Variants in ZNF160 observed in about 807,000 individuals in gnomAD.
ZNF160 encodes KRAB zinc finger protein KR18.
ZNF160 carries 9 observed loss-of-function variants against 13.1 expected under a neutral mutation model. The observed-to-expected ratio is 0.69, with a 90% CI of 0.41 to 1.20. The LOEUF (loss-of-function observed/expected upper bound fraction) is 1.20, where lower values mean the gene tolerates loss of function less well. Among genes scored for constraint, ZNF160 ranks in the 50% most tolerant of loss-of-function variants. The pLI, the probability that ZNF160 is intolerant of heterozygous loss-of-function variation, is 0.01. For missense variants in ZNF160, 838 were observed against 988.0 expected, an observed-to-expected ratio of 0.85 and a Z score of 2.04; for synonymous variants, 293 against 333.2, an observed-to-expected ratio of 0.88 and a Z score of 1.31.
At chr19:53,077,192 T>G (rs1303650722) in intron 3 of ZNF160, 1 of 152,176 alleles carries the variant, frequency 6.6e-6, no homozygotes, top group Non-Finnish European at 1.5e-5. Context: ...GCATACAAAC[T>G]GGCACAAGCT....
chr19:53,073,210 G>A, intron 5 of ZNF160: 1 of 1,426,040 alleles, frequency 7.0e-7, no homozygotes, highest in Non-Finnish European at 9.1e-7. Context: ...AAATGTAAGT[G>A]ACAACATGCA....
At chr19:53,095,524 G>T (rs13344020) in intron 1 of ZNF160, 47,863 of 151,676 alleles carry the variant, frequency 0.32, 7,822 homozygotes, top group African/African-American at 0.37. Context: ...TCTGCAGCTT[G>T]TCTATGATTT....
At chr19:53,084,067 G>A (rs1338809304) in intron 3 of ZNF160, among the ~76,000 whole-genome samples, 1 of 152,026 alleles carries the variant, frequency 6.6e-6, no homozygotes, top group Non-Finnish European at 1.5e-5. Flanking sequence ...GCTCCAGAGG[G>A]GAATCTCACT....
chr19:53,068,480 A>T lies in ZNF160; in HGVS notation c.2054T>A (p.Val685Asp). The T allele has an allele frequency of 6.2e-7, 1 of 1,613,540 alleles. No homozygotes were observed. Among genetic ancestry groups the T allele is most frequent in the Non-Finnish European group, 8.5e-7 (1 of 1,179,736 alleles). Residue 685 changes from valine to aspartate, a missense_variant, in exon 6 of 6, where the codon GTC becomes GAC. By Grantham distance (152) the Val-to-Asp change is radical. Transcript: ENST00000683776. The stretch of plus-strand genomic sequence containing the variant: ...TGCAAGGTGTGAGTTCTGAGTGAAG[A>T]CCTTGCCACATTGATTACATTTGTA... Reference protein sequence around the residue: ...KPYKCNQCGKVFTQNSHLANH... With the variant: ...KPYKCNQCGKDFTQNSHLANH...
At chr19:53,077,668 CA>C (rs57869247) in intron 3 of ZNF160, among the ~76,000 whole-genome samples, 4,482 of 51,078 alleles carry the variant, frequency 0.088, 109 homozygotes, top group African/African-American at 0.25. Flanking sequence ...GACTCCATCT[CA>C]AAAAAAAAAA....
At chr19:53,102,569 T>A (rs1176104626) in intron 1 of ZNF160, among the ~76,000 whole-genome samples, 1 of 152,230 alleles carries the variant, frequency 6.6e-6, no homozygotes, top group Non-Finnish European at 1.5e-5. Flanking sequence ...CTTTCTTGAC[T>A]GCTTCTTTCA....
intron 3 of ZNF160, among the ~76,000 whole-genome samples, chr19:53,079,121 G>C (rs2084521597): frequency 6.6e-6 from 1 of 152,064 alleles, no homozygotes; most frequent in Admixed American, 6.6e-5. Flanking sequence ...CTACACACTG[G>C]GAAGACAAGA....
At chr19:53,079,263 TCAACAATTCGGGCA>T (rs558929947) in intron 3 of ZNF160, among the ~76,000 whole-genome samples, 269 of 152,166 alleles carry the variant, frequency 1.8e-3, no homozygotes, top group African/African-American at 6.3e-3. Context: ...ATAAAAATGC[TCAACAATTCGGGCA>T]CGGTGGCTCA....
At position 53,099,915 on chromosome 19, in the gene ZNF160, G is replaced by A. The variant is rs144343140; in HGVS notation, c.-354+3350C>T. Among the ~76,000 whole-genome samples the A allele has an allele frequency of 4.3e-4, 66 of 152,288 alleles. No homozygotes were observed. The East Asian group carries it at 9.1e-3, about 21-fold the overall frequency. On this transcript the variant is annotated intron_variant, in intron 1 of 5. Coordinates refer to ENST00000683776, the MANE Select transcript of ZNF160 (RefSeq NM_001322131.2). ...TATGACGGCCTCGAAGGGCTAATGG[G>A]CAACACTAGACTTTCTCACGCCTCC... is the stretch of plus-strand genomic sequence containing the variant.
intron 5 of ZNF160, among the ~76,000 whole-genome samples, chr19:53,072,339 ATCTGCCTGCC>A (rs759672712): frequency 2.0e-5 from 3 of 152,090 alleles, no homozygotes; most frequent in Non-Finnish European, 4.4e-5. Flanking sequence ...TGACCTTGTT[ATCTGCCTGCC>A]TCTGCCTCCC....
At chr19:53,103,095 G>A (rs1274668227) in intron 1 of ZNF160, among the ~76,000 whole-genome samples, 170 bp downstream of exon 1, 6 of 152,080 alleles carry the variant, frequency 3.9e-5, no homozygotes, top group African/African-American at 7.2e-5. Flanking sequence ...GGCGGGAGGA[G>A]GAGTCAGTAA....
At chr19:53,089,617 G>A (rs1197489427) in intron 2 of ZNF160, among the ~76,000 whole-genome samples, 1 of 152,042 alleles carries the variant, frequency 6.6e-6, no homozygotes, top group Non-Finnish European at 1.5e-5. Flanking sequence ...GACAAGTTTT[G>A]CAATTCTCAT....
rs1384175995 is a variant in ZNF160, at chr19:53,068,851, T to G, written c.1683A>C (p.Gly561=). The G allele has an allele frequency of 6.2e-7, 1 of 1,614,050 alleles. No individual in the cohort carries two copies. The highest frequency in any genetic ancestry group is 8.5e-7 in the Non-Finnish European group (1 of 1,179,990). The change falls in exon 6 of 6, where the codon GGA becomes GGC. Residue 561 remains glycine (G), a synonymous_variant. Coordinates refer to ENST00000683776, the MANE Select transcript of ZNF160 (RefSeq NM_001322131.2). Reference sequence around the variant, plus strand: ...ATTCATTACACTTGTAAGGTTTCTCTCCAGAATGAATTCCCCGATGACTTC... The same window carrying G: ...ATTCATTACACTTGTAAGGTTTCTCGCCAGAATGAATTCCCCGATGACTTC... The part of the protein sequence containing the change: ...HLRSHRGIHS[G]EKPYKCNECG...
intron 2 of ZNF160, among the ~76,000 whole-genome samples, chr19:53,090,228 C>G (rs73935233): frequency 1.1e-4 from 17 of 152,190 alleles, no homozygotes; most frequent in Non-Finnish European, 2.4e-4. Context: ...TCCTCTCCCC[C>G]ACTCTCTGTC....
At chr19:53,078,297 C>T (rs984311438) in intron 3 of ZNF160, among the ~76,000 whole-genome samples, 2 of 151,970 alleles carry the variant, frequency 1.3e-5, no homozygotes, top group Non-Finnish European at 2.9e-5. Context: ...GTAGTCCCAG[C>T]TACTCAGGAG....
chr19:53,074,938 C>T (rs375382042), intron 4 of ZNF160, 119 bp downstream of exon 4: 1 of 1,351,566 alleles, frequency 7.4e-7, no homozygotes, highest in East Asian at 2.3e-5. Flanking sequence ...CTTTCCATTT[C>T]AGAGTCAACA....
intron 5 of ZNF160, among the ~76,000 whole-genome samples, chr19:53,073,898 G>A (rs2084279000): frequency 6.6e-6 from 1 of 152,068 alleles, no homozygotes; most frequent in South Asian, 2.1e-4. Flanking sequence ...CAATTCTCTT[G>A]CCTCAGCCTC....
chr19:53,073,395 T>G lies in ZNF160; in HGVS notation c.271+745A>C, dbSNP rs765817798. ...CCCCATGAAAGTGGCAAAAGCAGAATGGAAGAAATGGCCGAGGGACCTCGA... is the reference window on the plus strand; with the variant it reads ...CCCCATGAAAGTGGCAAAAGCAGAAGGGAAGAAATGGCCGAGGGACCTCGA... On this transcript the variant is annotated intron_variant, in intron 5 of 5. Transcript: ENST00000683776. 2.5e-6 allele frequency: 4 copies of G among 1,598,398 alleles called. No homozygotes were observed. In the African/African-American group the frequency reaches 4.0e-5, roughly 16 times the overall value.
intron 1 of ZNF160, among the ~76,000 whole-genome samples, chr19:53,100,239 G>T (rs2085392237): frequency 6.6e-6 from 1 of 152,172 alleles, no homozygotes; most frequent in Admixed American, 6.5e-5. Flanking sequence ...TGACAAAAGG[G>T]ACTTGAGGGG....
Sources: gnomAD v4.1 joint callset for allele counts (sites outside exome capture counted in the v4.1 genomes callset) on GRCh38, gnomAD v4.1.1 for gene constraint, MANE v1.5 for transcripts, NCBI Gene and HGNC (gene_info 2026-07-23, HGNC 2026-07-21) for gene names.